INPP4B: variants seen among roughly 807,000 people sequenced by gnomAD.
INPP4B encodes the protein inositol polyphosphate-4-phosphatase type II B.
In INPP4B, 55 loss-of-function variants were observed where a neutral mutation model predicts 122.5. That is an observed-to-expected ratio of 0.45 (90% confidence interval 0.36 to 0.56). INPP4B has a LOEUF of 0.56. Among genes scored for constraint, INPP4B ranks in the 20% least tolerant of loss-of-function variants. The pLI is 0.00. For synonymous variants in INPP4B, 403 were observed against 388.7 expected, an observed-to-expected ratio of 1.04 and a Z score of -0.43; for missense variants, 1,000 against 1,097.7, an observed-to-expected ratio of 0.91 and a Z score of 1.26.
chr4:142,638,589 G>T (rs1482652345), intron 2 of INPP4B, among the ~76,000 whole-genome samples: 1 of 144,766 alleles, frequency 6.9e-6, no homozygotes, highest in Non-Finnish European at 1.5e-5. Flanking sequence ...TGTCACCCAG[G>T]CTGGAGTGCA....
intron 9 of INPP4B, among the ~76,000 whole-genome samples, chr4:142,279,444 A>C (rs1750144462): frequency 6.6e-6 from 1 of 151,924 alleles, no homozygotes; most frequent in Non-Finnish European, 1.5e-5. Context: ...TGACAAATAG[A>C]AAATATAACC....
At chr4:142,596,428 TG>T (rs1433676554) in intron 2 of INPP4B, among the ~76,000 whole-genome samples, 1 of 152,134 alleles carries the variant, frequency 6.6e-6, no homozygotes, top group African/African-American at 2.4e-5. Flanking sequence ...CTTCAGTAGC[TG>T]GGCCAATTTG....
At chr4:142,245,510 G>T (rs1015230542) in intron 11 of INPP4B, among the ~76,000 whole-genome samples, 1 of 151,734 alleles carries the variant, frequency 6.6e-6, no homozygotes, top group Non-Finnish European at 1.5e-5. Context: ...GAGGATTTTC[G>T]CATCGATGTT....
At chr4:142,040,652 G>A (rs904060029) in intron 25 of INPP4B, among the ~76,000 whole-genome samples, 8 of 152,146 alleles carry the variant, frequency 5.3e-5, no homozygotes, top group African/African-American at 9.7e-5. Flanking sequence ...TATAGATCTA[G>A]AACTCGTTTT....
intron 2 of INPP4B, among the ~76,000 whole-genome samples, chr4:142,606,403 G>T (rs554433975): frequency 6.6e-6 from 1 of 151,618 alleles, no homozygotes; most frequent in Non-Finnish European, 1.5e-5. Context: ...GACTTGAAAC[G>T]ATACCAACAT....
intron 2 of INPP4B, among the ~76,000 whole-genome samples, chr4:142,521,596 T>C (rs938311161): frequency 1.6e-4 from 25 of 152,080 alleles, no homozygotes; most frequent in African/African-American, 5.8e-4. Flanking sequence ...ACATCACTTA[T>C]ACAATTAAGG....
At chr4:142,692,474 G>A (rs563827867) in intron 2 of INPP4B, among the ~76,000 whole-genome samples, 39 of 152,304 alleles carry the variant, frequency 2.6e-4, no homozygotes, top group Admixed American at 3.9e-4. Flanking sequence ...GCCTAGACGG[G>A]AGGATCGCTT....
chr4:142,596,695 G>A (rs1213655725), intron 2 of INPP4B, among the ~76,000 whole-genome samples: 1 of 152,188 alleles, frequency 6.6e-6, no homozygotes, highest in Non-Finnish European at 1.5e-5. Flanking sequence ...AGCCATTTGG[G>A]ATTCATCTAA....
chr4:142,069,942 C>T (rs963859502), intron 25 of INPP4B, among the ~76,000 whole-genome samples: 2 of 152,102 alleles, frequency 1.3e-5, no homozygotes, highest in Non-Finnish European at 2.9e-5. Flanking sequence ...TGAAACCATT[C>T]CAATCAAAAG....
chr4:142,556,718 T>A (rs1231788532), intron 2 of INPP4B, among the ~76,000 whole-genome samples: 3 of 151,498 alleles, frequency 2.0e-5, no homozygotes, highest in Admixed American at 6.6e-5. Context: ...GGAAAAAAAA[T>A]GTTTTAAATC....
At chr4:142,617,624 A>G (rs1743997597) in intron 2 of INPP4B, among the ~76,000 whole-genome samples, 3 of 152,102 alleles carry the variant, frequency 2.0e-5, no homozygotes, top group African/African-American at 4.8e-5. Context: ...CCCGTGAGCA[A>G]TAAACAACGA....
intron 2 of INPP4B, among the ~76,000 whole-genome samples, chr4:142,536,717 G>T (rs1828233687): frequency 6.6e-6 from 1 of 152,118 alleles, no homozygotes; most frequent in Admixed American, 6.6e-5. Context: ...AAACTTCCCT[G>T]GTAGCCTGCC....
At chr4:142,686,624 C>A (rs2150704585) in intron 2 of INPP4B, among the ~76,000 whole-genome samples, 1 of 152,228 alleles carries the variant, frequency 6.6e-6, no homozygotes, top group Middle Eastern at 3.4e-3. Context: ...TCATTCTGAA[C>A]TTGAACATCA....
chr4:142,797,577 A>T (rs1252945665), intron 1 of INPP4B, among the ~76,000 whole-genome samples: 1 of 152,006 alleles, frequency 6.6e-6, no homozygotes, highest in Non-Finnish European at 1.5e-5. Flanking sequence ...CCAAACTGAT[A>T]AAAGAAAACA....
intron 17 of INPP4B, among the ~76,000 whole-genome samples, chr4:142,152,241 A>AT (rs1243197220): frequency 6.7e-6 from 1 of 149,968 alleles, no homozygotes; most frequent in Non-Finnish European, 1.5e-5. Context: ...CACCCGGCTA[A>AT]TTTTTTTGTA....
intron 2 of INPP4B, among the ~76,000 whole-genome samples, chr4:142,550,294 C>T (rs1727656784): frequency 6.6e-6 from 1 of 152,044 alleles, no homozygotes; most frequent in South Asian, 2.1e-4. Flanking sequence ...CTTTGCTCTG[C>T]TGCATAGTCT....
chr4:142,058,831 G>C (rs1315364431), intron 25 of INPP4B, among the ~76,000 whole-genome samples: 1 of 152,078 alleles, frequency 6.6e-6, no homozygotes, highest in East Asian at 1.9e-4. Flanking sequence ...GATTGAGATT[G>C]GGTTGAACAG....
At chr4:142,287,218 G>A (rs946667626) in intron 9 of INPP4B, 1 of 152,168 alleles carries the variant, frequency 6.6e-6, no homozygotes, top group African/African-American at 2.4e-5. Flanking sequence ...CTGGCATTGA[G>A]TTCCCTACTT....
chr4:142,131,956 CAA>C (rs1368996219), intron 18 of INPP4B, among the ~76,000 whole-genome samples: 1 of 104,696 alleles, frequency 9.6e-6, no homozygotes. Flanking sequence ...ACTTTGTTTC[CAA>C]AAAAAAAAAA....
Sources: gnomAD v4.1 joint callset for allele counts (sites outside exome capture counted in the v4.1 genomes callset) on GRCh38, gnomAD v4.1.1 for gene constraint, MANE v1.5 for transcripts, NCBI Gene and HGNC (gene_info 2026-07-23, HGNC 2026-07-21) for gene names.